Variants in ACVR1C observed in about 807,000 individuals in gnomAD.
ACVR1C encodes the protein activin A receptor type 1C.
In ACVR1C, 23 loss-of-function variants were observed where a neutral mutation model predicts 57.9. That is an observed-to-expected ratio of 0.40 (90% CI 0.29 to 0.56). ACVR1C has a LOEUF of 0.56. ACVR1C is among the 20% of genes least tolerant of loss of function. The pLI, the probability that ACVR1C is intolerant of heterozygous loss-of-function variation, is 0.50. For missense variants in ACVR1C, 480 were observed against 607.9 expected (o/e 0.79, Z 2.21); for synonymous variants, 214 against 215.3 (o/e 0.99, Z 0.05).
Position 157,534,032 on chromosome 2 carries a change from G to T in ACVR1C, c.1368C>A (p.Val456=). 1 of 1,567,150 alleles carries T rather than the reference G, an allele frequency of 6.4e-7. No homozygotes were observed. The highest frequency in any genetic ancestry group is 1.2e-5 in the South Asian group (1 of 82,788). The change falls in exon 9 of 9, where the codon GTC becomes GTA. Residue 456 remains valine, a synonymous_variant. Transcript: ENST00000243349. The part of the protein sequence containing the change: ...NQWQSCEALR[V]MGRIMRECWY... ...AACACTCACGCATTATTCTCCCCATGACTCGGAGTGCCTTTAAGAGAGAAA... is the reference window on the plus strand; with the variant it reads ...AACACTCACGCATTATTCTCCCCATTACTCGGAGTGCCTTTAAGAGAGAAA...
At chr2:157,562,299 A>AT (rs1379494702) in intron 2 of ACVR1C, among the ~76,000 whole-genome samples, 2 of 121,990 alleles carry the variant, frequency 1.6e-5, no homozygotes, top group Admixed American at 8.0e-5. Context: ...GTCTCAAAAA[A>AT]AAAAAAATAT....
At chr2:157,593,705 A>G (rs1290741351) in intron 1 of ACVR1C, among the ~76,000 whole-genome samples, 1 of 152,214 alleles carries the variant, frequency 6.6e-6, no homozygotes, top group African/African-American at 2.4e-5. Flanking sequence ...AATCGGGCAA[A>G]GATCTAGCTT....
In ACVR1C at chr2:157,600,359, T is replaced by A. The variant is rs570957931; in HGVS notation, c.74-12942A>T. On this transcript the variant is annotated intron_variant, in intron 1 of 8. Coordinates refer to ENST00000243349, the MANE Select transcript of ACVR1C (RefSeq NM_145259.3). ...GAAATATGCCATGAAATACAAAAAA[T>A]TAACGACAAAAAACATTAAGTTCCA... 1.3e-5 allele frequency among the ~76,000 whole-genome samples: 2 copies of A among 152,078 alleles called. 1 individual carries two copies. Among genetic ancestry groups the A allele is most frequent in the South Asian group, 4.1e-4 (2 of 4,822 alleles).
chr2:157,584,363 C>T (rs2105253814), intron 2 of ACVR1C, among the ~76,000 whole-genome samples: 1 of 152,192 alleles, frequency 6.6e-6, no homozygotes, highest in African/African-American at 2.4e-5. Flanking sequence ...CTTGGCCTCC[C>T]AAAGTGCTGG....
At chr2:157,589,943 A>G (rs920963533) in intron 1 of ACVR1C, among the ~76,000 whole-genome samples, 4 of 151,966 alleles carry the variant, frequency 2.6e-5, no homozygotes, top group Non-Finnish European at 4.4e-5. Context: ...AGGATACTCT[A>G]TTCAATAAAT....
At chr2:157,602,773 A>C (rs1488236797) in intron 1 of ACVR1C, among the ~76,000 whole-genome samples, 1 of 152,210 alleles carries the variant, frequency 6.6e-6, no homozygotes, top group Non-Finnish European at 1.5e-5. Flanking sequence ...ATTGAAATAA[A>C]TAGAATGAAA....
intron 4 of ACVR1C, among the ~76,000 whole-genome samples, chr2:157,548,453 A>C (rs1161319085): frequency 1.3e-5 from 2 of 151,108 alleles, no homozygotes; most frequent in Non-Finnish European, 2.9e-5. Context: ...GGAACCAAAA[A>C]AGAGCCCACA....
chr2:157,627,137 A>C lies in ACVR1C; in HGVS notation c.73+1435T>G, dbSNP rs115451568. Among the ~76,000 whole-genome samples the C allele has an allele frequency of 7.8e-3, 1,186 of 152,292 alleles. 16 individuals carry two copies. The highest frequency in any genetic ancestry group is 0.027 in the African/African-American group (1,131 of 41,572). ...GTGCAGCCAAGTTATCAGCTCCTCC[A>C]AATAAAAAGAGTTGTACAGACAGCC... On this transcript the variant is annotated intron_variant, in intron 1 of 8. Coordinates refer to ENST00000243349, the MANE Select transcript of ACVR1C (RefSeq NM_145259.3).
At position 157,597,671 on chromosome 2, in the gene ACVR1C, A is replaced by G. The variant is rs1033233325; in HGVS notation, c.74-10254T>C. On this transcript the variant is annotated intron_variant, in intron 1 of 8. Transcript: ENST00000243349. ...AGAATGACCTCCACTCCGGATTAGC[A>G]TTTCTCAAGCATTTTTAAAACCTGT... 2.8e-5 allele frequency: 16 copies of G among 572,112 alleles called. No homozygotes were observed. In the African/African-American group the frequency reaches 3.2e-4, roughly 12 times the overall value. 35.4% of individuals were successfully genotyped at this position (572,112 alleles called of 1,614,324 possible).
chr2:157,628,600 C>A lies in ACVR1C; in HGVS notation c.45G>T (p.Leu15=), dbSNP rs56177445. The A allele has an allele frequency of 1.9e-6, 3 of 1,606,878 alleles. No homozygotes were observed. The highest frequency in any genetic ancestry group is 2.5e-6 in the Non-Finnish European group (3 of 1,177,336). Residue 15 remains leucine (L), a synonymous_variant, in exon 1 of 9, where the codon CTG becomes CTT. Transcript: ENST00000243349. Reference sequence around the variant, plus strand: ...GCGAGAGCTCGGCGGCCGCTGCGAGCAGCAGGAGAGCCTGGCGGAGCGCTG... The same window carrying A: ...GCGAGAGCTCGGCGGCCGCTGCGAGAAGCAGGAGAGCCTGGCGGAGCGCTG... ...LCSALRQALL[L]LAAAAELSPG... is the part of the protein sequence containing the mutation.
At chr2:157,573,545 T>C (rs1363026513) in intron 2 of ACVR1C, among the ~76,000 whole-genome samples, 1 of 152,100 alleles carries the variant, frequency 6.6e-6, no homozygotes, top group Non-Finnish European at 1.5e-5. Flanking sequence ...TTGAAGGGTT[T>C]TTTTTTTTCT....
intron 2 of ACVR1C, among the ~76,000 whole-genome samples, chr2:157,577,585 T>C (rs757714033): frequency 4.3e-4 from 65 of 152,316 alleles, no homozygotes; most frequent in Non-Finnish European, 7.4e-4. Context: ...CTAACACTTT[T>C]GTTTGTTTAA....
intron 2 of ACVR1C, among the ~76,000 whole-genome samples, chr2:157,574,655 CCT>C (rs1263847408): frequency 6.6e-6 from 1 of 151,922 alleles, no homozygotes; most frequent in African/African-American, 2.4e-5. Context: ...TGCTTTGCTG[CCT>C]CTCTGGATGA....
At chr2:157,605,228 T>A in intron 1 of ACVR1C, among the ~76,000 whole-genome samples, 1 of 151,782 alleles carries the variant, frequency 6.6e-6, no homozygotes, top group East Asian at 1.9e-4. Context: ...TTCTGGTTAT[T>A]CTATTCTGTT....
At chr2:157,548,815 G>T (rs538194483) in intron 4 of ACVR1C, among the ~76,000 whole-genome samples, 37 of 152,288 alleles carry the variant, frequency 2.4e-4, no homozygotes, top group African/African-American at 8.4e-4. Context: ...GTGGCCTCAA[G>T]ATACAAATCA....
intron 1 of ACVR1C, among the ~76,000 whole-genome samples, chr2:157,612,007 G>A (rs1682546696): frequency 6.6e-6 from 1 of 152,194 alleles, no homozygotes; most frequent in Admixed American, 6.5e-5. Context: ...GCTTTTATCA[G>A]TCTGCTGTGG....
chr2:157,597,231 G>T, intron 1 of ACVR1C: 1 of 572,824 alleles, frequency 1.7e-6, no homozygotes, highest in Non-Finnish European at 2.2e-6. Flanking sequence ...GCATTAACCT[G>T]CCCCCACTTT....
intron 2 of ACVR1C, among the ~76,000 whole-genome samples, chr2:157,577,869 T>TTTTTTG (rs1006085031): frequency 1.1e-4 from 16 of 152,080 alleles, no homozygotes; most frequent in Admixed American, 2.6e-4. Context: ...TTGTTTTTGT[T>TTTTTTG]TTTTTGTTTT....
At chr2:157,594,143 A>G (rs1385415896) in intron 1 of ACVR1C, among the ~76,000 whole-genome samples, 1 of 152,194 alleles carries the variant, frequency 6.6e-6, no homozygotes, top group Non-Finnish European at 1.5e-5. Flanking sequence ...ATTGTAAATT[A>G]TTAGTACTAA....
Sources: gnomAD v4.1 joint callset for allele counts (sites outside exome capture counted in the v4.1 genomes callset) on GRCh38, gnomAD v4.1.1 for gene constraint, MANE v1.5 for transcripts, NCBI Gene and HGNC (gene_info 2026-07-23, HGNC 2026-07-21) for gene names.